TENM3: variants seen among roughly 807,000 people sequenced by gnomAD.
TENM3 encodes the protein teneurin-3.
Under a neutral mutation model 255.1 loss-of-function variants are expected in TENM3, and 63 were observed. The observed-to-expected ratio is 0.25, with a 90% CI of 0.20 to 0.30. The LOEUF is 0.30. Ranked by LOEUF, TENM3 falls within the 10% of genes least tolerant of loss-of-function variation. The pLI is 1.00. For missense variants in TENM3, 2,929 were observed against 3,461.1 expected (o/e 0.85, Z 3.86); for synonymous variants, 1,306 against 1,322.3 (o/e 0.99, Z 0.27).
At chr4:182,630,891 T>C (rs1244032811) in intron 5 of TENM3, among the ~76,000 whole-genome samples, 1 of 152,122 alleles carries the variant, frequency 6.6e-6, no homozygotes, top group East Asian at 1.9e-4. Flanking sequence ...CTTCCAGTTG[T>C]TAAATATTTT....
At chr4:182,093,619 A>G in the TENM3 span, among the ~76,000 whole-genome samples, 6 of 152,170 alleles carry the variant, frequency 3.9e-5, no homozygotes, top group Admixed American at 3.3e-4. Context: ...ACTTGCAGGA[A>G]AGCATGATTC....
chr4:182,704,830 T>C (rs890909068), intron 12 of TENM3, among the ~76,000 whole-genome samples: 1 of 151,684 alleles, frequency 6.6e-6, no homozygotes, highest in African/African-American at 2.4e-5. Flanking sequence ...AACTTTTTTT[T>C]TTTTTTTTTT....
chr4:181,448,458 ACCGCGC>A, the TENM3 span, among the ~76,000 whole-genome samples: 1 of 152,080 alleles, frequency 6.6e-6, no homozygotes, highest in African/African-American at 2.4e-5. Flanking sequence ...GGCGTGAGCC[ACCGCGC>A]CCGGCCGAAA....
chr4:181,906,672 T>C, the TENM3 span, among the ~76,000 whole-genome samples: 1 of 152,156 alleles, frequency 6.6e-6, no homozygotes, highest in Non-Finnish European at 1.5e-5. Context: ...GGGCTGCAGA[T>C]TGGGAATCAT....
the TENM3 span, among the ~76,000 whole-genome samples, chr4:182,000,043 A>G: frequency 6.6e-6 from 1 of 152,172 alleles, no homozygotes; most frequent in Non-Finnish European, 1.5e-5. Context: ...AATAGACTTC[A>G]GAGATTTTAA....
chr4:181,624,143 G>A, the TENM3 span, among the ~76,000 whole-genome samples: 6 of 152,092 alleles, frequency 3.9e-5, no homozygotes, highest in Middle Eastern at 3.2e-3. Context: ...CAAGATGGGC[G>A]AGGTTGCACC....
chr4:181,699,442 CAAAAAAAAAAAAAAAAAAA>C, the TENM3 span, among the ~76,000 whole-genome samples: 1 of 44,068 alleles, frequency 2.3e-5, no homozygotes, highest in Non-Finnish European at 4.1e-5. Flanking sequence ...GACCCTGTCG[CAAAAAAAAAAAAAAAAAAA>C]AAAAAAAAAA....
intron 4 of TENM3, among the ~76,000 whole-genome samples, chr4:182,628,123 C>T (rs1751006602): frequency 6.6e-6 from 1 of 152,140 alleles, no homozygotes; most frequent in African/African-American, 2.4e-5. Context: ...TACTTATTAG[C>T]AGAGAAGCAG....
intron 24 of TENM3, among the ~76,000 whole-genome samples, chr4:182,775,591 T>G (rs1310928064): frequency 6.6e-6 from 1 of 152,186 alleles, no homozygotes; most frequent in Non-Finnish European, 1.5e-5. Context: ...CCCTGCTGCC[T>G]TGGGCCACTG....
chr4:181,546,686 C>T, the TENM3 span, among the ~76,000 whole-genome samples: 1 of 137,712 alleles, frequency 7.3e-6, no homozygotes, highest in Admixed American at 8.0e-5. Context: ...TGCACTCCAG[C>T]CTGGGCGACA....
chr4:182,358,939 AT>A (rs1765753086), intron 3 of TENM3, among the ~76,000 whole-genome samples: 1 of 151,892 alleles, frequency 6.6e-6, no homozygotes, highest in South Asian at 2.1e-4. Context: ...GGGTTGTTGA[AT>A]TTTGTCAAAG....
chr4:181,649,284 T>G, the TENM3 span, among the ~76,000 whole-genome samples: 1 of 152,212 alleles, frequency 6.6e-6, no homozygotes, highest in African/African-American at 2.4e-5. Context: ...GTGATTACAA[T>G]GAGTAATGTG....
the TENM3 span, among the ~76,000 whole-genome samples, chr4:181,609,438 T>A: frequency 6.6e-6 from 1 of 152,242 alleles, no homozygotes; most frequent in Admixed American, 6.5e-5. Flanking sequence ...CATTTCTCTT[T>A]TAGACTTTTT....
At chr4:181,861,061 C>A in the TENM3 span, among the ~76,000 whole-genome samples, 2 of 152,270 alleles carry the variant, frequency 1.3e-5, no homozygotes, top group East Asian at 1.9e-4. Context: ...CATCATCCAG[C>A]GGTATCTTTC....
At chr4:182,621,729 A>AT (rs1561016639) in intron 4 of TENM3, among the ~76,000 whole-genome samples, 1,026 of 83,872 alleles carry the variant, frequency 0.012, 59 homozygotes, top group Non-Finnish European at 0.016. Flanking sequence ...ATTATATATA[A>AT]AATATATAAT....
chr4:181,487,575 C>T, the TENM3 span, among the ~76,000 whole-genome samples: 3,090 of 152,202 alleles, frequency 0.02, 93 homozygotes, highest in African/African-American at 0.067. Context: ...CTCAAGGAGG[C>T]TCTGCCCTCA....
chr4:181,660,779 T>C, the TENM3 span, among the ~76,000 whole-genome samples: 1 of 152,154 alleles, frequency 6.6e-6, no homozygotes, highest in African/African-American at 2.4e-5. Flanking sequence ...TTCAATATGT[T>C]TTACACCTGT....
the TENM3 span, among the ~76,000 whole-genome samples, chr4:181,687,965 C>T: frequency 1.3e-5 from 2 of 152,122 alleles, no homozygotes; most frequent in African/African-American, 4.8e-5. Context: ...TACTAGCAAA[C>T]ATTTACTGAG....
the TENM3 span, among the ~76,000 whole-genome samples, chr4:181,459,883 AT>A: frequency 6.6e-6 from 1 of 151,980 alleles, no homozygotes; most frequent in Non-Finnish European, 1.5e-5. Flanking sequence ...TATCATTAAA[AT>A]ATAAATCAAT....
Sources: gnomAD v4.1 joint callset for allele counts (sites outside exome capture counted in the v4.1 genomes callset) on GRCh38, gnomAD v4.1.1 for gene constraint, MANE v1.5 for transcripts, NCBI Gene and HGNC (gene_info 2026-07-23, HGNC 2026-07-21) for gene names.